Variants in TTN observed in about 807,000 individuals in gnomAD.
TTN encodes the protein connectin.
In TTN, 1,525 loss-of-function variants were observed where a neutral mutation model predicts 3,223.0. That is an observed-to-expected ratio of 0.47 (90% CI 0.45 to 0.49). TTN has a LOEUF of 0.49. Ranked by LOEUF, TTN falls within the 20% of genes least tolerant of loss-of-function variation. The probability of loss-of-function intolerance (pLI) is 0.00; values close to 1 mark genes in which losing one functional copy is unlikely to be tolerated. For missense variants in TTN, 40,786 were observed against 43,424.0 expected (o/e 0.94, Z 5.40); for synonymous variants, 14,094 against 15,161.0 (o/e 0.93, Z 5.17).
At position 178,593,231 on chromosome 2, in the gene TTN, T is replaced by G; in HGVS notation, c.58977A>C (p.Glu19659Asp). The G allele has an allele frequency of 6.2e-7, 1 of 1,613,404 alleles. No homozygotes were observed. Among genetic ancestry groups the G allele is most frequent in the Non-Finnish European group, 8.5e-7 (1 of 1,179,600 alleles). The change falls in exon 299 of 363, where the codon GAA (glutamate) becomes GAC (aspartate). Residue 19659 changes from glutamate (E) to aspartate (D), a missense_variant. Physicochemically the swap from Glu to Asp is conservative, Grantham distance 45. Transcript: ENST00000589042. Reference protein sequence around the residue: ...QYEFRVSAENEIGIGDPSPPS... With the variant: ...QYEFRVSAENDIGIGDPSPPS... The stretch of plus-strand genomic sequence containing the variant: ...GTGGGCTTGGATCTCCAATACCAAT[T>G]TCATTTTCTGCAGAAACCCGGAATT...
chr2:178,770,681 G>C lies in TTN; in HGVS notation c.8117-6C>G. ...AGTCTTCTTAATTTTGACAGCTAAA[G>C]ACAAATTTATGATTGGGTTAGAAAA... On this transcript the variant is annotated splice_polypyrimidine_tract_variant and splice_region_variant and intron_variant, in intron 34 of 362. Transcript: ENST00000589042. 6.2e-7 allele frequency: 1 copy of C among 1,609,464 alleles called. No individual in the cohort carries two copies. Among genetic ancestry groups the C allele is most frequent in the Non-Finnish European group, 8.5e-7 (1 of 1,179,892 alleles).
chr2:178,718,377 G>A lies in TTN; in HGVS notation c.24729C>T (p.Cys8243=), dbSNP rs751527077. The change falls in exon 85 of 363, where the codon TGC becomes TGT. Residue 8243 remains cysteine (C), a synonymous_variant. Transcript: ENST00000589042. ...STIEDYAQYS[C]LIENEAGQDI... is the part of the protein sequence containing the mutation. The stretch of plus-strand genomic sequence containing the variant: ...CTTGACCAGCCTCATTTTCTATCAG[G>A]CAGCTGTACTGTGCATAATCCTCTA... 7 of 1,613,600 alleles carry A rather than the reference G, an allele frequency of 4.3e-6. No homozygotes were observed. The Admixed American group carries it at 5.0e-5, about 12-fold the overall frequency.
chr2:178,790,633 T>C (rs1463405543), intron 11 of TTN, 75 bp downstream of exon 11: 2 of 1,608,656 alleles, frequency 1.2e-6, no homozygotes, highest in African/African-American at 2.7e-5. Context: ...ATGATTAAGA[T>C]CCATGATGAA....
chr2:178,727,469 C>T (rs2079550793), intron 68 of TTN, 98 bp from the exon 69 acceptor site: 1 of 1,503,008 alleles, frequency 6.7e-7, no homozygotes, highest in South Asian at 1.4e-5. Flanking sequence ...TGAGCAAATA[C>T]TGTTTACTAT....
chr2:178,721,697 C>T (rs114825312), intron 78 of TTN, 150 bp downstream of exon 78: 5 of 745,560 alleles, frequency 6.7e-6, no homozygotes, highest in Non-Finnish European at 1.0e-5. Context: ...GAAAACACAA[C>T]TTTGATTAAT....
chr2:178,566,090 A>G lies in TTN; in HGVS notation c.80042T>C (p.Leu26681Pro). ...ATTCTGTGGTGGTCCTGGAGTGTCA[A>G]GAACTTTCACAGTTACAAAAGCAGA... ...SKSAFVTVKV[L>P]DTPGPPQNLA... The change falls in exon 326 of 363, where the codon CTT becomes CCT. Residue 26681 changes from leucine (L) to proline (P), a missense_variant. By Grantham distance (98) the Leu-to-Pro change is moderately conservative (BLOSUM62 -3). Coordinates refer to ENST00000589042, the MANE Select transcript of TTN (RefSeq NM_001267550.2). The G allele has an allele frequency of 6.2e-7, 1 of 1,613,688 alleles. No homozygotes were observed.
In TTN at chr2:178,609,683, C is replaced by T; in HGVS notation, c.51739+1G>A. 6.4e-7 allele frequency: 1 copy of T among 1,573,978 alleles called. No individual in the cohort carries two copies. The highest frequency in any genetic ancestry group is 8.6e-7 in the Non-Finnish European group (1 of 1,159,754). The stretch of plus-strand genomic sequence containing the variant: ...TGGCAACTCCATGAAACAAAACTTA[C>T]CAATGGGATCTACAGCTTTGGTTGG... On this transcript the variant is annotated splice_donor_variant, in intron 272 of 362. Coordinates refer to ENST00000589042, the MANE Select transcript of TTN (RefSeq NM_001267550.2). LOFTEE classifies it high-confidence loss of function.
intron 13 of TTN, 127 bp downstream of exon 13, chr2:178,789,233 T>G: frequency 1.5e-6 from 2 of 1,293,188 alleles, no homozygotes. Context: ...TAAATTTGGT[T>G]AATAGTGACT....
At position 178,633,876 on chromosome 2, in the gene TTN, A is replaced by G. The variant is rs1391653235; in HGVS notation, c.42623T>C (p.Ile14208Thr). 4 of 1,613,440 alleles carry G rather than the reference A, an allele frequency of 2.5e-6. No individual in the cohort carries two copies. Among genetic ancestry groups the G allele is most frequent in the South Asian group, 1.1e-5 (1 of 91,074 alleles). ...CTTGACTTGAGCTTTTATCTGAGAT[A>G]TATCATCCAATGTCACTTCTTTCAT... Reference protein sequence around the residue: ...LEMKEVTLDDISQIKAQVKEL... With the variant: ...LEMKEVTLDDTSQIKAQVKEL... The change falls in exon 231 of 363, where the codon ATA (isoleucine) becomes ACA (threonine). Residue 14208 changes from isoleucine to threonine, a missense_variant. Physicochemically the swap from Ile to Thr is moderately conservative, Grantham distance 89. Transcript: ENST00000589042.
intron 47 of TTN, among the ~76,000 whole-genome samples, chr2:178,742,670 A>G (rs986188229): frequency 6.6e-6 from 1 of 152,166 alleles, no homozygotes; most frequent in African/African-American, 2.4e-5. Flanking sequence ...TGCATAACAG[A>G]GACTCTTTAA....
At chr2:178,765,131 A>G (rs368408892) in intron 41 of TTN, among the ~76,000 whole-genome samples, 16 of 152,306 alleles carry the variant, frequency 1.1e-4, no homozygotes, top group African/African-American at 3.6e-4. Context: ...CACCTGAATG[A>G]ATTATACAAT....
chr2:178,585,077 A>G lies in TTN; in HGVS notation c.64667T>C (p.Val21556Ala). The change falls in exon 309 of 363, where the codon GTC (valine) becomes GCC (alanine). Residue 21556 changes from valine (V) to alanine (A), a missense_variant. By Grantham distance (64) the Val-to-Ala change is moderately conservative (BLOSUM62 0). Transcript: ENST00000589042. ...GTDTQKIKVV[V>A]MDAPGPPQPP... ...TTGTCTAATACTTAACTTACCCATGACTACAACTTTGATTTTCTGAGTGTC... is the reference window on the plus strand; with the variant it reads ...TTGTCTAATACTTAACTTACCCATGGCTACAACTTTGATTTTCTGAGTGTC... 1.2e-6 allele frequency: 2 copies of G among 1,604,700 alleles called. No homozygotes were observed. Among genetic ancestry groups the G allele is most frequent in the Non-Finnish European group, 1.7e-6 (2 of 1,175,496 alleles).
In TTN at chr2:178,607,991, C is replaced by T; in HGVS notation, c.52796G>A (p.Gly17599Glu). 6.2e-7 allele frequency: 1 copy of T among 1,612,938 alleles called. No individual in the cohort carries two copies. Among genetic ancestry groups the T allele is most frequent in the Non-Finnish European group, 8.5e-7 (1 of 1,179,332 alleles). Reference sequence around the variant, plus strand: ...ATCAACAAAATAGCCAACAATTTCCCCACCACCATTGAAAGCTGGGGGTTC... The same window carrying T: ...ATCAACAAAATAGCCAACAATTTCCTCACCACCATTGAAAGCTGGGGGTTC... ...EWEPPAFNGG[G>E]EIVGYFVDKQ... Residue 17599 changes from glycine to glutamate, a missense_variant, in exon 276 of 363, where the codon GGG becomes GAG. Gly to Glu is a moderately conservative substitution (Grantham distance 98). Coordinates refer to ENST00000589042, the MANE Select transcript of TTN (RefSeq NM_001267550.2).
chr2:178,617,477 C>G lies in TTN; in HGVS notation c.47608G>C (p.Asp15870His). ...PSPPVNLTSSDQTQSSVQLKW... is the reference protein window; with the variant it reads ...PSPPVNLTSSHQTQSSVQLKW... ...AGCTGAACTGATGACTGAGTCTGAT[C>G]TGAGGAAGTTAGGTTTACAGGAGGA... Residue 15870 changes from aspartate to histidine, a missense_variant, in exon 254 of 363, where the codon GAT becomes CAT. Coordinates refer to ENST00000589042, the MANE Select transcript of TTN (RefSeq NM_001267550.2). 6.3e-7 allele frequency: 1 copy of G among 1,595,058 alleles called. No homozygotes were observed. Among genetic ancestry groups the G allele is most frequent in the Admixed American group, 1.8e-5 (1 of 54,926 alleles).
At chr2:178,778,793 T>C in intron 24 of TTN, 81 bp downstream of exon 24, 1 of 1,594,530 alleles carries the variant, frequency 6.3e-7, no homozygotes, top group Non-Finnish European at 8.6e-7. Context: ...GATTTTCTTC[T>C]TACACAATAG....
intron 88 of TTN, among the ~76,000 whole-genome samples, chr2:178,716,118 G>A (rs1172334413): frequency 6.6e-6 from 1 of 152,106 alleles, no homozygotes; most frequent in Non-Finnish European, 1.5e-5. Flanking sequence ...AGGTCCACGG[G>A]GAATGAGAAT....
rs769573551 is a variant in TTN, at chr2:178,663,622, A to G, written c.36532+5T>C. 6.2e-7 allele frequency: 1 copy of G among 1,613,600 alleles called. No homozygotes were observed. Among genetic ancestry groups the G allele is most frequent in the South Asian group, 1.1e-5 (1 of 91,068 alleles). On this transcript the variant is annotated splice_donor_5th_base_variant and intron_variant, in intron 171 of 362. Coordinates refer to ENST00000589042, the MANE Select transcript of TTN (RefSeq NM_001267550.2). ...CATCTGAAGCCTAAAATCAGTGACA[A>G]ATACCTTTAACAGGTGGGACTTCAG...
rs1201998813 is a variant in TTN, at chr2:178,576,329, C to A, written c.69803G>T (p.Gly23268Val). 6.4e-7 allele frequency: 1 copy of A among 1,569,266 alleles called. No homozygotes were observed. Among genetic ancestry groups the A allele is most frequent in the Admixed American group, 1.9e-5 (1 of 51,626 alleles). The change falls in exon 326 of 363, where the codon GGT becomes GTT. Residue 23268 changes from glycine (G) to valine (V), a missense_variant. Coordinates refer to ENST00000589042, the MANE Select transcript of TTN (RefSeq NM_001267550.2). This position sits in a 1 kb window ranked among gnomAD's most constrained non-coding sequence, Gnocchi z 4.3. Reference protein sequence around the residue: ...SLAWGKPHYDGGLEITGYVVE... With the variant: ...SLAWGKPHYDVGLEITGYVVE... ...GACATAGCCAGTGATTTCAAGTCCA[C>A]CATCATAATGAGGCTTGCCCCATGC...
At position 178,718,503 on chromosome 2, in the gene TTN, T is replaced by C; in HGVS notation, c.24603A>G (p.Ser8201=). The change falls in exon 85 of 363, where the codon TCA becomes TCG. Residue 8201 remains serine (S), a synonymous_variant. Coordinates refer to ENST00000589042, the MANE Select transcript of TTN (RefSeq NM_001267550.2). ...EATYTGTPPI[S]VSWIKDEYLI... The stretch of plus-strand genomic sequence containing the variant: ...GATACTCGTCCTTTATCCAGCTCAC[T>C]GAGATTGGAGGTGTGCCAGTGTATG... 1 of 1,613,658 alleles carries C rather than the reference T, an allele frequency of 6.2e-7. No homozygotes were observed. The highest frequency in any genetic ancestry group is 1.3e-5 in the African/African-American group (1 of 75,042).
Sources: allele counts gnomAD v4.1 joint callset (sites outside exome capture counted in the v4.1 genomes callset), GRCh38; gene constraint gnomAD v4.1.1; non-coding constraint Gnocchi (gnomAD v3.1); transcripts MANE v1.5; gene names NCBI Gene and HGNC (gene_info 2026-07-23, HGNC 2026-07-21).